Variants in DBR1 observed in about 807,000 individuals in gnomAD.
DBR1 encodes lariat debranching enzyme.
In DBR1, 33 loss-of-function variants were observed where a neutral mutation model predicts 45.9. The observed-to-expected ratio is 0.72, with a 90% CI of 0.55 to 0.96. The LOEUF (loss-of-function observed/expected upper bound fraction) is 0.96, where lower values mean the gene tolerates loss of function less well. Ranked by LOEUF, DBR1 falls within the 40% of genes least tolerant of loss-of-function variation. DBR1 has a pLI of 0.00. For missense variants in DBR1, 619 were observed against 667.4 expected (o/e 0.93, Z 0.80); for synonymous variants, 235 against 235.9 (o/e 1.00, Z 0.04).
chr3:138,174,890 A>G lies in DBR1; in HGVS notation c.-95T>C, dbSNP rs2042972836. The G allele has an allele frequency of 8.1e-7, 1 of 1,230,086 alleles. No homozygotes were observed. The highest frequency in any genetic ancestry group is 2.3e-5 in the Admixed American group (1 of 42,752). 76.2% of individuals were successfully genotyped at this position (1,230,086 alleles called of 1,614,324 possible). ...CGCTCAGCTCCCGCCAACTTTAATA[A>G]GTATAGCCACCGCCTGGGTGTAGAC... On this transcript the variant is annotated 5_prime_UTR_variant, in exon 1 of 8. Transcript: ENST00000260803.
At chr3:138,173,374 C>A in intron 2 of DBR1, 128 bp downstream of exon 2, 1 of 909,570 alleles carries the variant, frequency 1.1e-6, no homozygotes, top group Non-Finnish European at 1.6e-6. Context: ...TAAATTTTCA[C>A]GATTAAGTAT....
At position 138,173,700 on chromosome 3, in the gene DBR1, A is replaced by G. The variant is rs1576535681; in HGVS notation, c.198-74T>C. Reference sequence around the variant, plus strand: ...AGCAAATAAGTTCCGAAAAAAAAAAAGAAACTGAGTTCATCATAAAAAGTT... The same window carrying G: ...AGCAAATAAGTTCCGAAAAAAAAAAGGAAACTGAGTTCATCATAAAAAGTT... On this transcript the variant is annotated intron_variant, in intron 1 of 7. Transcript: ENST00000260803. 26 of 1,465,470 alleles carry G rather than the reference A, an allele frequency of 1.8e-5. No homozygotes were observed. In the East Asian group the frequency reaches 6.0e-4, roughly 34 times the overall value. The allele number at this position is 1,465,470 out of a possible 1,614,324, so 90.8% of individuals were successfully genotyped here.
At position 138,161,924 on chromosome 3, in the gene DBR1, C is replaced by A; in HGVS notation, c.1600G>T (p.Ala534Ser). 1.2e-6 allele frequency: 2 copies of A among 1,613,946 alleles called. No individual in the cohort carries two copies. The highest frequency in any genetic ancestry group is 4.5e-5 in the East Asian group (2 of 44,878). ...KIKRRNQAIY[A>S]AVDDDDDDAA is the part of the protein sequence containing the mutation. Reference sequence around the variant, plus strand: ...TCGTCATCATCATCATCCACTGCAGCGTAAATGGCTTGATTCCTCCTCTTA... The same window carrying A: ...TCGTCATCATCATCATCCACTGCAGAGTAAATGGCTTGATTCCTCCTCTTA... Residue 534 changes from alanine to serine, a missense_variant, in exon 8 of 8, where the codon GCT (alanine) becomes TCT (serine). Coordinates refer to ENST00000260803, the MANE Select transcript of DBR1 (RefSeq NM_016216.4).
chr3:138,174,602 TAGA>T lies in DBR1; in HGVS notation c.191_193del (p.Phe64del). 1 of 1,382,346 alleles carries T rather than the reference TAGA, an allele frequency of 7.2e-7. No individual in the cohort carries two copies. Among genetic ancestry groups the T allele is most frequent in the African/African-American group, 1.5e-5 (1 of 68,290 alleles). The allele number at this position is 1,382,346 out of a possible 1,614,324, so 85.6% of individuals were successfully genotyped here. On this transcript the variant is annotated inframe_deletion, in exon 1 of 8. Transcript: ENST00000260803. ...CCGGGCCCGGCCGCGTCCTCACCTG[TAGA>T]AGGTTTGCATGTGACGATACTTGGG...
chr3:138,173,668 G>A, intron 1 of DBR1, 42 bp from the exon 2 acceptor site: 2 of 1,538,534 alleles, frequency 1.3e-6, no homozygotes. Flanking sequence ...ATTAGGCATA[G>A]CAGAAAAGCA....
intron 5 of DBR1, among the ~76,000 whole-genome samples, chr3:138,165,409 T>C (rs183966000): frequency 6.6e-6 from 1 of 152,288 alleles, no homozygotes; most frequent in Non-Finnish European, 1.5e-5. Flanking sequence ...GATTTCAGAT[T>C]AGAGATGCTC....
intron 5 of DBR1, among the ~76,000 whole-genome samples, chr3:138,165,517 C>T (rs538480536): frequency 6.6e-6 from 1 of 151,918 alleles, no homozygotes; most frequent in South Asian, 2.1e-4. Context: ...ATCACGAGAT[C>T]AGGAGATCGA....
chr3:138,162,167 C>G lies in DBR1; in HGVS notation c.1357G>C (p.Glu453Gln), dbSNP rs1165242697. 8 of 1,614,200 alleles carry G rather than the reference C, an allele frequency of 5.0e-6. No individual in the cohort carries two copies. The highest frequency in any genetic ancestry group is 1.3e-5 in the African/African-American group (1 of 75,056). The stretch of plus-strand genomic sequence containing the variant: ...AACTCAGAAGCTTGATCAGAAGGTT[C>G]TACCGATGGTGTATTCATGCCACTA... ...AHSGMNTPSV[E>Q]PSDQASEFSA... Residue 453 changes from glutamate (E) to glutamine (Q), a missense_variant, in exon 8 of 8, where the codon GAA becomes CAA. By Grantham distance (29) the Glu-to-Gln change is conservative. Transcript: ENST00000260803.
chr3:138,163,819 A>T lies in DBR1; in HGVS notation c.754T>A (p.Leu252Ile), dbSNP rs779512592. The change falls in exon 6 of 8, where the codon TTA (leucine) becomes ATA (isoleucine). Residue 252 changes from leucine to isoleucine, a missense_variant. Coordinates refer to ENST00000260803, the MANE Select transcript of DBR1 (RefSeq NM_016216.4). ...KGQTARATKF[L>I]ALDKCLPHRD... is the part of the protein sequence containing the mutation. ...TGTGGTAAGCATTTGTCCAAGGCTA[A>T]AAATTTGGTTGCTCTGGCTGTCTGT... The T allele has an allele frequency of 6.2e-7, 1 of 1,613,180 alleles. No homozygotes were observed. The highest frequency in any genetic ancestry group is 1.3e-5 in the African/African-American group (1 of 74,896).
Position 138,168,494 on chromosome 3 carries a change from T to C in DBR1, c.490-1189A>G, listed in dbSNP as rs1171597279. On this transcript the variant is annotated intron_variant, in intron 4 of 7. Coordinates refer to ENST00000260803, the MANE Select transcript of DBR1 (RefSeq NM_016216.4). ...AAGATCGCACTGTTGCACTCCAGCT[T>C]GGGCAACAGAAGTGAAACTTTGTCT... Among the ~76,000 whole-genome samples the C allele has an allele frequency of 6.8e-5, 10 of 147,094 alleles. No individual in the cohort carries two copies. In the Admixed American group the frequency reaches 6.9e-4, roughly 10 times the overall value.
chr3:138,167,631 C>A (rs1336391808), intron 4 of DBR1, among the ~76,000 whole-genome samples: 1 of 152,216 alleles, frequency 6.6e-6, no homozygotes, highest in Non-Finnish European at 1.5e-5. Context: ...AACCATAGTT[C>A]TTTTCCTCTT....
At chr3:138,171,742 G>A (rs759601951) in intron 2 of DBR1, 29 bp from the exon 3 acceptor site, 7 of 1,505,928 alleles carry the variant, frequency 4.6e-6, no homozygotes, top group South Asian at 3.4e-5. Context: ...TAAAATTACT[G>A]TAGGCAAAAG....
At chr3:138,169,604 C>A (rs2042945557) in intron 4 of DBR1, among the ~76,000 whole-genome samples, 1 of 152,084 alleles carries the variant, frequency 6.6e-6, no homozygotes, top group South Asian at 2.1e-4. Context: ...TTAAATCTTT[C>A]ATTCTTACTA....
rs777135846 is a variant in DBR1 at position 138,162,578 on chromosome 3, C to T, written c.946G>A (p.Asp316Asn). 21 of 1,606,310 alleles carry T rather than the reference C, an allele frequency of 1.3e-5. No homozygotes were observed. The South Asian group carries it at 2.1e-4, about 16-fold the overall frequency. ...ATACCTTCTTCTGTTGCACTATAAT[C>T]CCACCTATAAAAGTACAAAACAATA... ...PENNGLHARWDYSATEEGMKE... is the reference protein window; with the variant it reads ...PENNGLHARWNYSATEEGMKE... Residue 316 changes from aspartate (D) to asparagine (N), a missense_variant, in exon 8 of 8, where the codon GAT becomes AAT. Physicochemically the swap from Asp to Asn is conservative, Grantham distance 23. Coordinates refer to ENST00000260803, the MANE Select transcript of DBR1 (RefSeq NM_016216.4).
chr3:138,174,542 A>G, intron 1 of DBR1, 57 bp downstream of exon 1: 6 of 1,500,670 alleles, frequency 4.0e-6, no homozygotes, highest in Non-Finnish European at 5.4e-6. Flanking sequence ...AGCCAGTGGC[A>G]GAGGGAACCC....
chr3:138,166,112 T>C (rs576692068), intron 5 of DBR1, among the ~76,000 whole-genome samples: 1 of 152,332 alleles, frequency 6.6e-6, no homozygotes, highest in South Asian at 2.1e-4. Flanking sequence ...GCAATGCCCA[T>C]TAGTGCAATA....
chr3:138,163,153 T>G (rs1183463604), intron 7 of DBR1, among the ~76,000 whole-genome samples, 196 bp downstream of exon 7: 1 of 152,092 alleles, frequency 6.6e-6, no homozygotes, highest in Non-Finnish European at 1.5e-5. Context: ...CCAGCTACTC[T>G]GGGGGCAGAG....
chr3:138,173,277 T>C (rs1423684634), intron 2 of DBR1, among the ~76,000 whole-genome samples: 2 of 152,132 alleles, frequency 1.3e-5, no homozygotes. Context: ...GTGTGTGAGG[T>C]CTTTGCAATT....
intron 5 of DBR1, 144 bp from the exon 6 acceptor site, chr3:138,164,002 T>C: frequency 1.8e-6 from 1 of 540,838 alleles, no homozygotes; most frequent in Non-Finnish European, 3.3e-6. Flanking sequence ...TTTCCAAAAT[T>C]AAGTTAATTC....
Sources: allele counts gnomAD v4.1 joint callset (sites outside exome capture counted in the v4.1 genomes callset), GRCh38; gene constraint gnomAD v4.1.1; transcripts MANE v1.5; gene names NCBI Gene and HGNC (gene_info 2026-07-23, HGNC 2026-07-21).